Variants in TRIO observed in about 807,000 individuals in gnomAD.
The protein encoded by TRIO is trio Rho guanine nucleotide exchange factor, also known as triple functional domain protein.
TRIO carries 58 observed loss-of-function variants against 351.9 expected under a neutral mutation model. That is an observed-to-expected ratio of 0.16 (90% CI 0.13 to 0.21). TRIO has a LOEUF of 0.21. Among genes scored for constraint, TRIO ranks in the 10% least tolerant of loss-of-function variants. The pLI, the probability that TRIO is intolerant of heterozygous loss-of-function variation, is 1.00. For synonymous variants in TRIO, 1,758 were observed against 1,595.7 expected (o/e 1.10, Z -2.42); for missense variants, 3,201 against 4,027.8 (o/e 0.79, Z 5.56).
intron 21 of TRIO, among the ~76,000 whole-genome samples, chr5:14,382,544 G>T (rs1746198631): frequency 6.6e-6 from 1 of 152,158 alleles, no homozygotes. Flanking sequence ...ACTGGGGGAG[G>T]GCAGGGCGCA....
At position 14,492,607 on chromosome 5, in the gene TRIO, T is replaced by C. The variant is rs1756570400; in HGVS notation, c.7673T>C (p.Val2558Ala). 6.2e-7 allele frequency: 1 copy of C among 1,614,142 alleles called. No homozygotes were observed. The highest frequency in any genetic ancestry group is 1.7e-5 in the Admixed American group (1 of 60,008). Residue 2558 changes from valine to alanine, a missense_variant, in exon 49 of 57, where the codon GTG (valine) becomes GCG (alanine). By Grantham distance (64) the Val-to-Ala change is moderately conservative (BLOSUM62 0). This residue lies in a region of TRIO where 1,089 missense variants were observed against 954.9 expected (regional missense o/e 1.14). Transcript: ENST00000344204. Reference sequence around the variant, plus strand: ...AGTAGCAACATCTCCACCATGTTGGTGACACACGATTACACGGCAGTGAAG... The same window carrying C: ...AGTAGCAACATCTCCACCATGTTGGCGACACACGATTACACGGCAGTGAAG... Reference protein sequence around the residue: ...SSSSNISTMLVTHDYTAVKED... With the variant: ...SSSSNISTMLATHDYTAVKED...
chr5:14,204,125 T>C (rs1185252019), intron 1 of TRIO, among the ~76,000 whole-genome samples: 2 of 152,252 alleles, frequency 1.3e-5, no homozygotes, highest in Admixed American at 6.5e-5. Context: ...TTTTTATTTC[T>C]TGGGAAATGC....
chr5:14,332,265 G>A (rs1740972736), intron 10 of TRIO, among the ~76,000 whole-genome samples: 1 of 152,172 alleles, frequency 6.6e-6, no homozygotes, highest in East Asian at 1.9e-4. Flanking sequence ...CTTTTCGTAT[G>A]TGCCACGTAA....
chr5:14,363,738 T>A lies in TRIO; in HGVS notation c.2398T>A (p.Ser800Thr). The A allele has an allele frequency of 6.2e-7, 1 of 1,613,710 alleles. No homozygotes were observed. The highest frequency in any genetic ancestry group is 8.5e-7 in the Non-Finnish European group (1 of 1,179,724). ...IFERDAIDII[S>T]DLESWNDELS... is the part of the protein sequence containing the mutation. ...CTTAAATACCTTCTTTCAGATTATC[T>A]CAGACCTCGAGTCTTGGAATGATGA... Residue 800 changes from serine (S) to threonine (T), a missense_variant, in exon 14 of 57, where the codon TCA (serine) becomes ACA (threonine). This residue lies in a region of TRIO where 363 missense variants were observed against 553.5 expected (regional missense o/e 0.66). Coordinates refer to ENST00000344204, the MANE Select transcript of TRIO (RefSeq NM_007118.4).
Position 14,390,305 on chromosome 5 carries a change from T to C in TRIO, c.4128+5T>C. 1.2e-6 allele frequency: 2 copies of C among 1,613,756 alleles called. No individual in the cohort carries two copies. The highest frequency in any genetic ancestry group is 1.7e-6 in the Non-Finnish European group (2 of 1,179,806). On this transcript the variant is annotated splice_donor_5th_base_variant and intron_variant, in intron 26 of 56. Transcript: ENST00000344204. The stretch of plus-strand genomic sequence containing the variant: ...GGACATTGTTTTGTTACTTGGGTAA[T>C]GAAACCTCAACCATTTGTTCTCTCC...
chr5:14,424,563 C>G (rs10513179), intron 34 of TRIO, among the ~76,000 whole-genome samples: 80,987 of 151,854 alleles, frequency 0.53, 23,597 homozygotes, highest in East Asian at 0.9. Context: ...GGGGCTTTAA[C>G]TCAGGATGCT....
At chr5:14,349,264 T>C (rs1191344603) in intron 11 of TRIO, among the ~76,000 whole-genome samples, 1 of 149,008 alleles carries the variant, frequency 6.7e-6, no homozygotes, top group Non-Finnish European at 1.5e-5. Flanking sequence ...AGCATGTGTT[T>C]TTCCTGTGTG....
intron 1 of TRIO, among the ~76,000 whole-genome samples, chr5:14,172,326 A>G (rs899466247): frequency 6.6e-6 from 1 of 152,234 alleles, no homozygotes; most frequent in African/African-American, 2.4e-5. Flanking sequence ...ATGCTTGAAC[A>G]AATCTAGCGT....
At chr5:14,311,045 A>G (rs1034178480) in intron 8 of TRIO, among the ~76,000 whole-genome samples, 1 of 152,218 alleles carries the variant, frequency 6.6e-6, no homozygotes, top group Non-Finnish European at 1.5e-5. Flanking sequence ...CTGTAGCGAC[A>G]TGCAGTGCTG....
intron 8 of TRIO, among the ~76,000 whole-genome samples, chr5:14,312,821 ATT>A (rs1483252239): frequency 6.6e-6 from 1 of 152,074 alleles, no homozygotes; most frequent in Non-Finnish European, 1.5e-5. Context: ...TCTTTCATTA[ATT>A]TTCTCCTGGT....
At chr5:14,302,785 C>T (rs547072791) in intron 7 of TRIO, among the ~76,000 whole-genome samples, 1 of 152,314 alleles carries the variant, frequency 6.6e-6, no homozygotes, top group South Asian at 2.1e-4. Flanking sequence ...CTCTGCATTC[C>T]CTGCTAAGTT....
intron 2 of TRIO, among the ~76,000 whole-genome samples, chr5:14,271,634 CCAAA>C (rs1051226866): frequency 1.4e-4 from 21 of 152,276 alleles, no homozygotes; most frequent in African/African-American, 4.6e-4. Flanking sequence ...TCACTTGTTA[CCAAA>C]CAAAGATTTG....
chr5:14,389,538 T>C (rs1033254847), intron 25 of TRIO, 140 bp downstream of exon 25: 4 of 583,338 alleles, frequency 6.9e-6, no homozygotes, highest in East Asian at 3.2e-5. Flanking sequence ...TCAGTCTTTC[T>C]CCAAAAAGAC....
In TRIO at chr5:14,336,527, C is replaced by T. The variant is rs773880945; in HGVS notation, c.1855-9C>T. 61 of 1,613,060 alleles carry T rather than the reference C, an allele frequency of 3.8e-5. No homozygotes were observed. In the Middle Eastern group the frequency reaches 4.9e-4, roughly 13 times the overall value. On this transcript the variant is annotated splice_polypyrimidine_tract_variant and intron_variant, in intron 10 of 56. Coordinates refer to ENST00000344204, the MANE Select transcript of TRIO (RefSeq NM_007118.4). ...ACCTTCTGTTTCTCTGGGATGTTCT[C>T]TTGTGCAGAACACATACACCAATGC... is the stretch of plus-strand genomic sequence containing the variant.
intron 34 of TRIO, among the ~76,000 whole-genome samples, chr5:14,453,228 G>A (rs2126442033): frequency 6.6e-6 from 1 of 152,236 alleles, no homozygotes; most frequent in Admixed American, 6.5e-5. Flanking sequence ...ATCACAGATG[G>A]CTTTCTCATG....
chr5:14,479,362 G>A lies in TRIO; in HGVS notation c.6243+12G>A. 6.3e-7 allele frequency: 1 copy of A among 1,582,662 alleles called. No homozygotes were observed. The highest frequency in any genetic ancestry group is 8.6e-7 in the Non-Finnish European group (1 of 1,156,962). On this transcript the variant is annotated intron_variant, in intron 42 of 56. Coordinates refer to ENST00000344204, the MANE Select transcript of TRIO (RefSeq NM_007118.4). ...ATACCTTTTTTGAGGTAAGACCTAA[G>A]ATACAAACAGAAAGTATTTCTGAAT...
In TRIO at chr5:14,487,805, C is replaced by G. The variant is rs1363987424; in HGVS notation, c.7177C>G (p.Arg2393Gly). The part of the protein sequence containing the change: ...PEAGPSAPSR[R>G]PPGADAEGSE... ...GGCCGGCCCCAGCGCGCCCAGCAGGCGGCCCCCCGGCGCGGACGCCGAGGG... is the reference window on the plus strand; with the variant it reads ...GGCCGGCCCCAGCGCGCCCAGCAGGGGGCCCCCCGGCGCGGACGCCGAGGG... Residue 2393 changes from arginine (R) to glycine (G), a missense_variant, in exon 48 of 57, where the codon CGG (arginine) becomes GGG (glycine). Transcript: ENST00000344204. 4 of 1,413,784 alleles carry G rather than the reference C, an allele frequency of 2.8e-6. No homozygotes were observed. In the South Asian group the frequency reaches 5.8e-5, roughly 21 times the overall value. The allele number at this position is 1,413,784 out of a possible 1,614,324, so 87.6% of individuals were successfully genotyped here. A position where few individuals can be genotyped will look rare whatever the true frequency, so the allele number is the denominator to read the frequency against.
Position 14,385,203 on chromosome 5 carries a change from A to G in TRIO, c.3571-2235A>G, listed in dbSNP as rs1746433450. 2.0e-5 allele frequency among the ~76,000 whole-genome samples: 3 copies of G among 152,312 alleles called. No homozygotes were observed. The South Asian group carries it at 6.2e-4, about 32-fold the overall frequency. ...TCGCACTCCTGCCTGCTCACACTGC[A>G]CTTCCTGTCTGCCCCAGCAGTTCCA... On this transcript the variant is annotated intron_variant, in intron 21 of 56. Coordinates refer to ENST00000344204, the MANE Select transcript of TRIO (RefSeq NM_007118.4).
intron 34 of TRIO, among the ~76,000 whole-genome samples, chr5:14,443,188 T>G (rs998445868): frequency 6.6e-6 from 1 of 152,192 alleles, no homozygotes; most frequent in Non-Finnish European, 1.5e-5. Flanking sequence ...CTAGGTGGTG[T>G]TCTTCAAGCT....
Sources: allele counts gnomAD v4.1 joint callset (sites outside exome capture counted in the v4.1 genomes callset), GRCh38; gene constraint gnomAD v4.1.1; regional missense constraint gnomAD v4.1.1; transcripts MANE v1.5; gene names NCBI Gene and HGNC (gene_info 2026-07-23, HGNC 2026-07-21).